Variants in ANO3 observed in about 807,000 individuals in gnomAD.
The protein encoded by ANO3 is anoctamin 3.
Under a neutral mutation model 144.8 loss-of-function variants are expected in ANO3, and 99 were observed. The ratio of observed to expected loss-of-function variants is 0.68; its 90% CI spans 0.58 to 0.81. The LOEUF (loss-of-function observed/expected upper bound fraction) is 0.81. Ranked by LOEUF, ANO3 falls within the 30% of genes least tolerant of loss-of-function variation. The probability of loss-of-function intolerance (pLI) is 0.00; values close to 1 mark genes in which losing one functional copy is unlikely to be tolerated. For synonymous variants in ANO3, 414 were observed against 392.6 expected (o/e 1.05, Z -0.64); for missense variants, 905 against 1,202.2 (o/e 0.75, Z 3.66).
At chr11:26,243,443 G>A (rs184693302) in intron 1 of ANO3, among the ~76,000 whole-genome samples, 7 of 150,908 alleles carry the variant, frequency 4.6e-5, no homozygotes, top group Admixed American at 1.3e-4. Context: ...TTTACAAAGA[G>A]CAAAAGAGAG....
intron 1 of ANO3, among the ~76,000 whole-genome samples, chr11:26,437,642 G>A (rs1858342353): frequency 9.2e-6 from 1 of 108,686 alleles, no homozygotes; most frequent in South Asian, 3.1e-4. Flanking sequence ...CTAGCTAATT[G>A]GCTGTCTTGG....
chr11:26,229,192 T>C (rs1032224780), intron 1 of ANO3, among the ~76,000 whole-genome samples: 5 of 152,192 alleles, frequency 3.3e-5, no homozygotes, highest in African/African-American at 1.2e-4. Flanking sequence ...TTAACTTCCT[T>C]CTGCCAAGAA....
intron 4 of ANO3, among the ~76,000 whole-genome samples, chr11:26,481,480 A>G (rs568752303): frequency 9.5e-4 from 145 of 152,330 alleles, no homozygotes; most frequent in African/African-American, 2.6e-3. Context: ...TGAAATTAAA[A>G]AGATGATGAA....
intron 14 of ANO3, among the ~76,000 whole-genome samples, chr11:26,594,589 G>T (rs1171355554): frequency 6.6e-6 from 1 of 152,078 alleles, no homozygotes; most frequent in Non-Finnish European, 1.5e-5. Context: ...CCACTTGGAG[G>T]GGGCGTAATC....
chr11:26,608,076 A>G (rs954247584), intron 17 of ANO3, among the ~76,000 whole-genome samples: 4 of 152,104 alleles, frequency 2.6e-5, no homozygotes, highest in Admixed American at 6.5e-5. Flanking sequence ...TAGTTTGTCT[A>G]GTTTCGATCT....
intron 3 of ANO3, among the ~76,000 whole-genome samples, chr11:26,457,392 C>G (rs1009756999): frequency 6.7e-6 from 1 of 150,214 alleles, no homozygotes; most frequent in African/African-American, 2.4e-5. Flanking sequence ...CTGGCATACT[C>G]GAGGTAATTA....
intron 1 of ANO3, among the ~76,000 whole-genome samples, chr11:26,312,474 G>C (rs1183052094): frequency 1.1e-4 from 17 of 152,146 alleles, no homozygotes; most frequent in Admixed American, 1.1e-3. Flanking sequence ...GTGTAAAAGT[G>C]TTCCTATTTC....
chr11:26,504,867 C>T (rs941102145), intron 4 of ANO3, among the ~76,000 whole-genome samples: 10 of 151,826 alleles, frequency 6.6e-5, no homozygotes, highest in Non-Finnish European at 1.5e-4. Flanking sequence ...AAAAAATTAG[C>T]CGGGCGTGGT....
chr11:26,332,522 G>A (rs1564969003), intron 1 of ANO3, among the ~76,000 whole-genome samples: 1 of 150,406 alleles, frequency 6.6e-6, no homozygotes, highest in Admixed American at 6.7e-5. Context: ...CACAGTGCCT[G>A]GGAGTATCGG....
chr11:26,531,796 T>G (rs1849378366), intron 8 of ANO3, among the ~76,000 whole-genome samples: 1 of 152,182 alleles, frequency 6.6e-6, no homozygotes, highest in Non-Finnish European at 1.5e-5. Context: ...GAATGATAAT[T>G]TTTAAAGAGA....
At chr11:26,488,648 G>T (rs2087974) in intron 4 of ANO3, among the ~76,000 whole-genome samples, 38,056 of 152,078 alleles carry the variant, frequency 0.25, 5,244 homozygotes, top group South Asian at 0.37. Flanking sequence ...CTGGAGTTGG[G>T]TGTTTGTTCC....
intron 17 of ANO3, among the ~76,000 whole-genome samples, chr11:26,614,789 G>C (rs1055003686): frequency 2.0e-5 from 3 of 152,126 alleles, no homozygotes; most frequent in African/African-American, 7.2e-5. Flanking sequence ...TAGAAGTAGG[G>C]TGTCTTCCTC....
At chr11:26,289,502 C>A (rs117421234) in intron 1 of ANO3, among the ~76,000 whole-genome samples, 11,349 of 144,050 alleles carry the variant, frequency 0.079, 655 homozygotes, top group Non-Finnish European at 0.11. Flanking sequence ...ACCTTTGATT[C>A]TAAGTATATA....
intron 1 of ANO3, among the ~76,000 whole-genome samples, chr11:26,439,077 C>T (rs554943508): frequency 3.9e-5 from 6 of 152,222 alleles, no homozygotes; most frequent in South Asian, 2.1e-4. Flanking sequence ...CAAGACAAGT[C>T]GATGGCATTT....
intron 1 of ANO3, among the ~76,000 whole-genome samples, chr11:26,233,149 A>G (rs183450038): frequency 0.015 from 2,271 of 151,614 alleles, 47 homozygotes; most frequent in East Asian, 0.12. Context: ...CCCAGGAGGC[A>G]GAGCTTGCAG....
At chr11:26,349,456 G>A (rs1197981621) in intron 1 of ANO3, among the ~76,000 whole-genome samples, 2 of 152,104 alleles carry the variant, frequency 1.3e-5, no homozygotes, top group African/African-American at 2.4e-5. Context: ...ATTTTCACAT[G>A]TGCCCTAATA....
In ANO3 at chr11:26,322,681, T is replaced by A. The variant is rs143936055; in HGVS notation, c.-3+12962T>A. ...CACCACATCATATGAAAGGTACATA[T>A]GATCAATTAGATTTATGGCTGTTGA... On this transcript the variant is annotated intron_variant, in intron 1 of 26. Transcript: ENST00000525139. Among the ~76,000 whole-genome samples, 92 of 152,286 alleles carry A rather than the reference T, an allele frequency of 6.0e-4. 1 individual carries two copies. Among genetic ancestry groups the A allele is most frequent in the African/African-American group, 2.1e-3 (89 of 41,580 alleles).
intron 8 of ANO3, among the ~76,000 whole-genome samples, chr11:26,531,720 T>C (rs566064721): frequency 1.3e-5 from 2 of 152,164 alleles, no homozygotes; most frequent in Admixed American, 6.5e-5. Context: ...TAATTATAAT[T>C]GCTTCAATTA....
At chr11:26,546,144 C>T (rs1053155694) in intron 11 of ANO3, among the ~76,000 whole-genome samples, 8 of 151,854 alleles carry the variant, frequency 5.3e-5, no homozygotes, top group Admixed American at 5.3e-4. Context: ...CTCCACCCCA[C>T]AGAGGAACAC....
Sources: allele counts gnomAD v4.1 joint callset (sites outside exome capture counted in the v4.1 genomes callset), GRCh38; gene constraint gnomAD v4.1.1; transcripts MANE v1.5; gene names NCBI Gene and HGNC (gene_info 2026-07-23, HGNC 2026-07-21).